AGBL1: variants seen among roughly 807,000 people sequenced by gnomAD.
AGBL1 encodes the protein cytosolic carboxypeptidase 4.
In AGBL1, 130 loss-of-function variants were observed where a neutral mutation model predicts 118.9. The observed-to-expected ratio is 1.09, with a 90% CI of 0.95 to 1.26. AGBL1 has a LOEUF of 1.26. AGBL1 is among the 50% of genes most tolerant of loss of function. The pLI is 0.00. For synonymous variants in AGBL1, 555 were observed against 478.9 expected (o/e 1.16, Z -2.08); for missense variants, 1,584 against 1,298.1 (o/e 1.22, Z -3.38).
intron 18 of AGBL1, among the ~76,000 whole-genome samples, chr15:86,465,680 C>T (rs936365256): frequency 1.3e-5 from 2 of 152,296 alleles, no homozygotes; most frequent in Middle Eastern, 3.4e-3. Context: ...GTCTCCTGCA[C>T]ACCCCCAGGC....
chr15:86,164,844 C>A (rs574452641), intron 5 of AGBL1, among the ~76,000 whole-genome samples: 2 of 152,182 alleles, frequency 1.3e-5, no homozygotes, highest in African/African-American at 4.8e-5. Flanking sequence ...GGGCTGCTCA[C>A]AGGCTGGGAT....
At position 86,891,778 on chromosome 15, in the gene AGBL1, C is replaced by T. The variant is rs79445410; in HGVS notation, c.3159-15309C>T. On this transcript the variant is annotated intron_variant, in intron 22 of 22. Coordinates refer to ENST00000614907, the MANE Select transcript of AGBL1 (RefSeq NM_001386094.1). Reference sequence around the variant, plus strand: ...TTGTTAACTTCTCCTGGTCCCTTAGCTACACATTACAGCCAACCATGCACA... The same window carrying T: ...TTGTTAACTTCTCCTGGTCCCTTAGTTACACATTACAGCCAACCATGCACA... 5.0e-3 allele frequency among the ~76,000 whole-genome samples: 766 copies of T among 152,256 alleles called. 11 individuals are homozygous for T. The highest frequency in any genetic ancestry group is 0.017 in the African/African-American group (717 of 41,554).
intron 22 of AGBL1, among the ~76,000 whole-genome samples, chr15:86,678,054 C>A (rs1373356110): frequency 6.6e-6 from 1 of 152,134 alleles, no homozygotes; most frequent in Non-Finnish European, 1.5e-5. Context: ...TGATGCCTTG[C>A]AGCCCATATA....
chr15:86,286,187 A>G (rs2079443682), intron 16 of AGBL1, among the ~76,000 whole-genome samples: 1 of 151,798 alleles, frequency 6.6e-6, no homozygotes, highest in African/African-American at 2.4e-5. Flanking sequence ...TAATTGACAA[A>G]TAATACTTGC....
intron 24 of AGBL1, among the ~76,000 whole-genome samples, chr15:87,007,274 C>A (rs1229507644): frequency 6.6e-6 from 1 of 152,104 alleles, no homozygotes; most frequent in Non-Finnish European, 1.5e-5. Context: ...TGAAATACTA[C>A]AGGTTTGTAA....
At chr15:86,298,539 T>C (rs2079694599) in intron 17 of AGBL1, among the ~76,000 whole-genome samples, 1 of 151,670 alleles carries the variant, frequency 6.6e-6, no homozygotes, top group African/African-American at 2.4e-5. Flanking sequence ...TTATAAAATG[T>C]GATGTATTGA....
chr15:86,420,084 G>A lies in AGBL1; in HGVS notation c.2555+22538G>A, dbSNP rs113862313. Among the ~76,000 whole-genome samples the A allele has an allele frequency of 6.6e-3, 1,001 of 152,324 alleles. 16 individuals carry two copies. The highest frequency in any genetic ancestry group is 0.021 in the African/African-American group (880 of 41,572). On this transcript the variant is annotated intron_variant, in intron 18 of 22. Coordinates refer to ENST00000614907, the MANE Select transcript of AGBL1 (RefSeq NM_001386094.1). ...CTGCCTGCTGGCTCTGAAGAGAGCA[G>A]TGGATCTCCCAATACAGCACTAGAT...
chr15:87,027,607 C>T lies in AGBL1; in HGVS notation c.3324-1218C>T, dbSNP rs1246498361. ...TTTATGTTCATGGCAGCACTATTCA[C>T]AATAGCGAAGACATGGAATCAACCT... On this transcript the variant is annotated intron_variant, in intron 24 of 24. Transcript: ENST00000441037. Among the ~76,000 whole-genome samples the T allele has an allele frequency of 5.3e-5, 8 of 151,774 alleles. No individual in the cohort carries two copies. In the East Asian group the frequency reaches 1.6e-3, roughly 29 times the overall value.
At chr15:86,384,021 G>T (rs1435526103) in intron 17 of AGBL1, among the ~76,000 whole-genome samples, 1 of 152,096 alleles carries the variant, frequency 6.6e-6, no homozygotes, top group Non-Finnish European at 1.5e-5. Flanking sequence ...TAACAGGGTG[G>T]GATGTGTTGA....
At chr15:86,116,732 C>T (rs1897783927) in intron 1 of AGBL1, 2 of 152,224 alleles carry the variant, frequency 1.3e-5, no homozygotes, top group African/African-American at 4.8e-5. Flanking sequence ...GTTACACAGT[C>T]AGCTTCCCTG....
At chr15:86,265,807 T>G (rs894198731) in intron 11 of AGBL1, among the ~76,000 whole-genome samples, 14 of 152,250 alleles carry the variant, frequency 9.2e-5, no homozygotes, top group African/African-American at 2.9e-4. Flanking sequence ...TGAACTGGAT[T>G]GGAAATTCAG....
intron 22 of AGBL1, among the ~76,000 whole-genome samples, chr15:86,710,207 T>G (rs1466765386): frequency 1.3e-5 from 2 of 152,174 alleles, no homozygotes; most frequent in Admixed American, 6.5e-5. Context: ...ATCCTTCAGA[T>G]GCATTACAAT....
chr15:86,262,078 C>CTATTTTTTTTTTTTTTTTTTTTTTTTTT (rs2094009283), intron 9 of AGBL1, among the ~76,000 whole-genome samples: 1 of 52,768 alleles, frequency 1.9e-5, no homozygotes, highest in Non-Finnish European at 3.6e-5. Context: ...GCATAGCTGG[C>CTATTTTTTTTTTTTTTTTTTTTTTTTTT]TTTTTTTTTT....
At chr15:86,251,079 G>C (rs2078807973) in intron 7 of AGBL1, among the ~76,000 whole-genome samples, 1 of 152,130 alleles carries the variant, frequency 6.6e-6, no homozygotes, top group African/African-American at 2.4e-5. Context: ...ACATCCCTTG[G>C]CTGTCTTAGC....
At chr15:86,290,764 T>G (rs925216192) in intron 16 of AGBL1, among the ~76,000 whole-genome samples, 1 of 152,030 alleles carries the variant, frequency 6.6e-6, no homozygotes. Context: ...TATGTATACA[T>G]GTGCCATGCT....
chr15:86,781,257 T>G (rs1422901338), intron 22 of AGBL1, among the ~76,000 whole-genome samples: 3 of 152,216 alleles, frequency 2.0e-5, no homozygotes, highest in Non-Finnish European at 4.4e-5. Flanking sequence ...TTCTACTTAC[T>G]ATGTTTTGCC....
At chr15:86,565,945 A>G (rs2083906930) in intron 21 of AGBL1, among the ~76,000 whole-genome samples, 1 of 152,150 alleles carries the variant, frequency 6.6e-6, no homozygotes. Flanking sequence ...GCGGGATATA[A>G]TCTCCTAGCG....
At chr15:86,926,244 A>G (rs1315643679) in intron 23 of AGBL1, among the ~76,000 whole-genome samples, 2 of 152,146 alleles carry the variant, frequency 1.3e-5, no homozygotes, top group African/African-American at 4.8e-5. Flanking sequence ...GTTATTGTGG[A>G]GGATTGCCAA....
chr15:86,709,091 T>C (rs1199037353), intron 22 of AGBL1, among the ~76,000 whole-genome samples: 1 of 152,140 alleles, frequency 6.6e-6, no homozygotes, highest in Non-Finnish European at 1.5e-5. Flanking sequence ...TTATACTACA[T>C]TAATTCTTGT....
Sources: allele counts gnomAD v4.1 joint callset (sites outside exome capture counted in the v4.1 genomes callset), GRCh38; gene constraint gnomAD v4.1.1; transcripts MANE v1.5; gene names NCBI Gene and HGNC (gene_info 2026-07-23, HGNC 2026-07-21).